GPR89A: variants seen among roughly 807,000 people sequenced by gnomAD.
The protein encoded by GPR89A is G protein-coupled receptor 89A.
Under a neutral mutation model 52.0 loss-of-function variants are expected in GPR89A, and 16 were observed. The ratio of observed to expected loss-of-function variants is 0.31; its 90% CI spans 0.21 to 0.47. GPR89A has a LOEUF of 0.47. Among genes scored for constraint, GPR89A ranks in the 20% least tolerant of loss-of-function variants. The pLI is 1.00. For missense variants in GPR89A, 135 were observed against 449.4 expected, an observed-to-expected ratio of 0.30 and a Z score of 6.33; for synonymous variants, 55 against 150.9, an observed-to-expected ratio of 0.36 and a Z score of 4.66.
At chr1:145,609,978 T>C (rs1455335749) in intron 1 of GPR89A, among the ~76,000 whole-genome samples, 3 of 152,188 alleles carry the variant, frequency 2.0e-5, no homozygotes, top group Admixed American at 6.5e-5. Flanking sequence ...TTCTTCCTCA[T>C]TTCCATGTTT....
In GPR89A at chr1:145,649,236, AAC is replaced by A. The variant is rs1401727749; in HGVS notation, c.909+1973_909+1974del. Among the ~76,000 whole-genome samples, 4 of 151,848 alleles carry A rather than the reference AAC, an allele frequency of 2.6e-5. No homozygotes were observed. The South Asian group carries it at 6.2e-4, about 24-fold the overall frequency. Reference sequence around the variant, plus strand: ...AACCATCACCACGGTCAAGACAGAGAACACATCCATCCATCACTGCCATGAGA... The same window carrying A: ...AACCATCACCACGGTCAAGACAGAGAACATCCATCCATCACTGCCATGAGA... On this transcript the variant is annotated intron_variant, in intron 10 of 13. Coordinates refer to ENST00000313835, the MANE Select transcript of GPR89A (RefSeq NM_001097612.2).
chr1:145,634,369 C>G (rs1255703853), intron 7 of GPR89A, among the ~76,000 whole-genome samples: 1 of 151,892 alleles, frequency 6.6e-6, no homozygotes, highest in East Asian at 1.9e-4. Flanking sequence ...GCGTGAGCCA[C>G]CATGCCCAGC....
At chr1:145,609,612 C>G (rs1363616354) in intron 1 of GPR89A, among the ~76,000 whole-genome samples, 1 of 152,160 alleles carries the variant, frequency 6.6e-6, no homozygotes, top group Non-Finnish European at 1.5e-5. Context: ...CTTTTCTTTT[C>G]ATTTAGAATA....
chr1:145,619,318 AAG>A (rs1223814031), intron 3 of GPR89A, among the ~76,000 whole-genome samples: 4 of 147,284 alleles, frequency 2.7e-5, no homozygotes, highest in African/African-American at 5.0e-5. Context: ...AAAAAAAAAG[AAG>A]AGAGAGGGGC....
At chr1:145,645,480 C>A (rs1650920481) in intron 8 of GPR89A, 1 of 414,258 alleles carries the variant, frequency 2.4e-6, no homozygotes, top group Non-Finnish European at 4.7e-6. Context: ...ATTTAACCTC[C>A]CTGAGCCCCT....
At chr1:145,654,279 C>T (rs1486481770) in intron 10 of GPR89A, among the ~76,000 whole-genome samples, 1 of 151,982 alleles carries the variant, frequency 6.6e-6, no homozygotes, top group African/African-American at 2.4e-5. Context: ...TTGAGCTGGG[C>T]GTGGTGGCTC....
rs1394446403 is a variant in GPR89A at position 145,622,239 on chromosome 1, A to G, written c.207-815A>G. On this transcript the variant is annotated intron_variant, in intron 3 of 13. Transcript: ENST00000313835. The stretch of plus-strand genomic sequence containing the variant: ...ATAATGGGATGAATATTGTTCAACC[A>G]TAAAAGGAATTATTGATAGATACTA... Among the ~76,000 whole-genome samples the G allele has an allele frequency of 6.1e-5, 9 of 147,468 alleles. No individual in the cohort carries two copies. In the Admixed American group the frequency reaches 6.1e-4, roughly 10 times the overall value.
At chr1:145,627,637 CT>C (rs1335133074) in intron 5 of GPR89A, among the ~76,000 whole-genome samples, 11 of 152,172 alleles carry the variant, frequency 7.2e-5, no homozygotes, top group Non-Finnish European at 1.3e-4. Context: ...TTCTGCCCCC[CT>C]GAAATTGATA....
rs1220333034 is a variant in GPR89A, at chr1:145,631,988, C to T, written c.617+244C>T. 4.6e-4 allele frequency among the ~76,000 whole-genome samples: 7 copies of T among 15,114 alleles called. No homozygotes were observed. The East Asian group carries it at 0.012, about 26-fold the overall frequency. 9.9% of individuals were successfully genotyped at this position (15,114 alleles called of 152,430 possible). A position where few individuals can be genotyped will look rare whatever the true frequency, so the allele number is the denominator to read the frequency against. On this transcript the variant is annotated intron_variant, in intron 7 of 13. Transcript: ENST00000313835. Reference sequence around the variant, plus strand: ...TAGCCTGGGTAACATAGTGAGACCCCACCCCTTTAAAATAACAATAAAATT... The same window carrying T: ...TAGCCTGGGTAACATAGTGAGACCCTACCCCTTTAAAATAACAATAAAATT...
chr1:145,612,361 G>T (rs1319366809), intron 1 of GPR89A: 2 of 152,006 alleles, frequency 1.3e-5, no homozygotes, highest in African/African-American at 4.8e-5. Flanking sequence ...CCCCTACTCC[G>T]GTTTAAAGCC....
At chr1:145,660,465 T>G (rs1652115469) in intron 10 of GPR89A, among the ~76,000 whole-genome samples, 1 of 151,802 alleles carries the variant, frequency 6.6e-6, no homozygotes, top group African/African-American at 2.4e-5. Flanking sequence ...GGGATCTAAT[T>G]AAACTAAAGA....
intron 7 of GPR89A, among the ~76,000 whole-genome samples, chr1:145,636,361 T>G (rs1650241981): frequency 7.2e-6 from 1 of 139,858 alleles, no homozygotes; most frequent in Non-Finnish European, 1.5e-5. Context: ...GAAAAACTGT[T>G]TTTGCAAACA....
chr1:145,615,151 C>T (rs1341708869), intron 1 of GPR89A, among the ~76,000 whole-genome samples: 13 of 151,956 alleles, frequency 8.6e-5, no homozygotes, highest in Non-Finnish European at 1.6e-4. Context: ...ACAAAACTGA[C>T]GAAAGAGGGA....
intron 10 of GPR89A, among the ~76,000 whole-genome samples, chr1:145,658,531 G>A (rs1270139968): frequency 6.7e-6 from 1 of 149,820 alleles, no homozygotes; most frequent in Admixed American, 6.7e-5. Context: ...GGAGGCTGAG[G>A]CGGGGGAGGA....
intron 12 of GPR89A, among the ~76,000 whole-genome samples, chr1:145,668,548 T>C (rs1652733074): frequency 6.6e-6 from 1 of 152,166 alleles, no homozygotes; most frequent in African/African-American, 2.4e-5. Context: ...CTTTTTCTGA[T>C]TGAATACCCT....
At chr1:145,610,042 T>TC (rs1648143326) in intron 1 of GPR89A, among the ~76,000 whole-genome samples, 1 of 152,200 alleles carries the variant, frequency 6.6e-6, no homozygotes, top group African/African-American at 2.4e-5. Context: ...CATGTGTTTG[T>TC]TATCTGTCCA....
intron 10 of GPR89A, among the ~76,000 whole-genome samples, chr1:145,653,128 C>T (rs1170848342): frequency 6.6e-6 from 1 of 150,844 alleles, no homozygotes; most frequent in Non-Finnish European, 1.5e-5. Flanking sequence ...TATCCATTTC[C>T]CTCTTAACAC....
intron 5 of GPR89A, among the ~76,000 whole-genome samples, chr1:145,627,986 AAGAC>A (rs1649628674): frequency 1.3e-5 from 2 of 150,392 alleles, no homozygotes; most frequent in South Asian, 2.1e-4. Flanking sequence ...GTCATTTTCT[AAGAC>A]AGGTAATGCA....
intron 5 of GPR89A, among the ~76,000 whole-genome samples, chr1:145,626,485 C>T (rs1383620123): frequency 2.6e-5 from 4 of 152,058 alleles, no homozygotes; most frequent in Non-Finnish European, 5.9e-5. Flanking sequence ...ATAGGCATTA[C>T]AGTTTTATGC....
Sources: allele counts gnomAD v4.1 joint callset (sites outside exome capture counted in the v4.1 genomes callset), GRCh38; gene constraint gnomAD v4.1.1; transcripts MANE v1.5; gene names NCBI Gene and HGNC (gene_info 2026-07-23, HGNC 2026-07-21).